XRN1: variants seen among roughly 807,000 people sequenced by gnomAD.
XRN1 encodes strand-exchange protein 1 homolog.
Under a neutral mutation model 222.3 loss-of-function variants are expected in XRN1, and 67 were observed. The ratio of observed to expected loss-of-function variants is 0.30; its 90% CI spans 0.25 to 0.37. XRN1 has a LOEUF of 0.37. Ranked by LOEUF, XRN1 falls within the 10% of genes least tolerant of loss-of-function variation. The pLI is 1.00. For missense variants in XRN1, 1,707 were observed against 2,000.2 expected, an observed-to-expected ratio of 0.85 and a Z score of 2.80; for synonymous variants, 643 against 652.4, an observed-to-expected ratio of 0.99 and a Z score of 0.22.
In XRN1 at chr3:142,431,700, A is replaced by C. The variant is rs951662632; in HGVS notation, c.308+961T>G. On this transcript the variant is annotated intron_variant, in intron 2 of 40. Transcript: ENST00000392981. ...GGTGTGGTGGCGGGCACCTGTAATC[A>C]CAGCTACTTGGGAGGCTGAGGCAGG... 2.7e-5 allele frequency among the ~76,000 whole-genome samples: 4 copies of C among 148,040 alleles called. No individual in the cohort carries two copies. In the East Asian group the frequency reaches 8.0e-4, roughly 29 times the overall value.
chr3:142,397,439 T>C lies in XRN1; in HGVS notation c.2229A>G (p.Pro743=), dbSNP rs200426515. 5.6e-6 allele frequency: 9 copies of C among 1,604,290 alleles called. No individual in the cohort carries two copies. In the East Asian group the frequency reaches 1.8e-4, roughly 32 times the overall value. The change falls in exon 20 of 41, where the codon CCA becomes CCG. Residue 743 remains proline (P), a synonymous_variant. Transcript: ENST00000392981. ...GETKFYLEEP[P]GTQKLYSGRT... is the part of the protein sequence containing the mutation. ...TTCCTGAATAAAGCTTCTGTGTTCC[T>C]GGAGGTTCTTCCAAGTAAAACCTTA...
intron 28 of XRN1, 29 bp from the exon 29 acceptor site, chr3:142,365,208 TAAAC>T: frequency 6.3e-7 from 1 of 1,584,126 alleles, no homozygotes; most frequent in Non-Finnish European, 8.5e-7. Flanking sequence ...TTAATTATAA[TAAAC>T]AAAAAAATTT....
rs146774223 is a variant in XRN1, at chr3:142,406,544, T to G, written c.1714-1468A>C. ...GGCATAAACATTTTTGTTTTTGTTT[T>G]GAGACAGGGATTTGCTCTGACACCC... is the stretch of plus-strand genomic sequence containing the variant. On this transcript the variant is annotated intron_variant, in intron 15 of 40. Coordinates refer to ENST00000392981, the MANE Select transcript of XRN1 (RefSeq NM_001282857.2). Among the ~76,000 whole-genome samples, 473 of 152,302 alleles carry G rather than the reference T, an allele frequency of 3.1e-3. 2 individuals carry two copies. Among genetic ancestry groups the G allele is most frequent in the African/African-American group, 9.3e-3 (386 of 41,564 alleles).
At position 142,312,651 on chromosome 3, in the gene XRN1, G is replaced by A; in HGVS notation, c.4729C>T (p.Pro1577Ser). The A allele has an allele frequency of 6.2e-7, 1 of 1,613,474 alleles. No homozygotes were observed. Among genetic ancestry groups the A allele is most frequent in the Non-Finnish European group, 8.5e-7 (1 of 1,179,520 alleles). Residue 1577 changes from proline to serine, a missense_variant, in exon 40 of 41, where the codon CCC (proline) becomes TCC (serine). Pro to Ser is a moderately conservative substitution (Grantham distance 74, BLOSUM62 -1). This residue lies in a region of XRN1 where 473 missense variants were observed against 482.0 expected (regional missense o/e 0.98). Coordinates refer to ENST00000392981, the MANE Select transcript of XRN1 (RefSeq NM_001282857.2). ...FHHTLYSGTM[P>S]MAGGIPGGVH... Reference sequence around the variant, plus strand: ...CCCCCTGGTATTCCCCCAGCCATGGGCATGGTCCCAGAATATAAAGTATGA... The same window carrying A: ...CCCCCTGGTATTCCCCCAGCCATGGACATGGTCCCAGAATATAAAGTATGA...
chr3:142,383,233 T>C (rs953207886), intron 22 of XRN1, 67 bp downstream of exon 22: 5 of 1,206,718 alleles, frequency 4.1e-6, no homozygotes, highest in African/African-American at 1.5e-5. Flanking sequence ...TAAACCTAAA[T>C]GAAGAGAAGT....
intron 7 of XRN1, 29 bp from the exon 8 acceptor site, chr3:142,422,779 T>G (rs1379645374): frequency 6.2e-7 from 1 of 1,605,846 alleles, no homozygotes; most frequent in Admixed American, 1.7e-5. Context: ...CAAAGTCAAA[T>G]CCAGTGAAAA....
At chr3:142,430,482 G>A (rs1472074137) in intron 2 of XRN1, among the ~76,000 whole-genome samples, 1 of 152,130 alleles carries the variant, frequency 6.6e-6, no homozygotes, top group African/African-American at 2.4e-5. Context: ...GTAAGTCTTG[G>A]GTGGTATTTG....
chr3:142,373,451 A>C (rs1009825901), intron 25 of XRN1, among the ~76,000 whole-genome samples: 5 of 152,096 alleles, frequency 3.3e-5, no homozygotes, highest in Admixed American at 1.3e-4. Context: ...TAATACAAGA[A>C]AGTTTCTCAG....
chr3:142,329,638 CTATCTT>C, intron 36 of XRN1, 23 bp from the exon 37 acceptor site: 1 of 1,521,396 alleles, frequency 6.6e-7, no homozygotes, highest in Non-Finnish European at 8.7e-7. Context: ...AGAAAAGAGT[CTATCTT>C]TATTAATAAA....
intron 20 of XRN1, among the ~76,000 whole-genome samples, chr3:142,385,316 C>T (rs2067455994): frequency 6.6e-6 from 1 of 152,164 alleles, no homozygotes; most frequent in Non-Finnish European, 1.5e-5. Context: ...CTGACACATG[C>T]TACAATGTGT....
At chr3:142,350,597 A>T (rs781725565) in intron 32 of XRN1, among the ~76,000 whole-genome samples, 3 of 152,178 alleles carry the variant, frequency 2.0e-5, no homozygotes, top group Non-Finnish European at 4.4e-5. Flanking sequence ...TAGACTGTAG[A>T]GGAGCCAGGA....
chr3:142,408,191 G>C (rs368522103), intron 15 of XRN1, among the ~76,000 whole-genome samples: 1 of 152,160 alleles, frequency 6.6e-6, no homozygotes, highest in East Asian at 1.9e-4. Context: ...AGTCCTTTTT[G>C]ACACTGTCAA....
intron 2 of XRN1, chr3:142,429,784 C>T (rs1277449911): frequency 6.6e-6 from 1 of 152,134 alleles, no homozygotes; most frequent in African/African-American, 2.4e-5. Flanking sequence ...TAGATGCCTC[C>T]ATATAAGGTT....
At position 142,306,903 on chromosome 3, in the gene XRN1, T is replaced by C. The variant is rs2064977759; in HGVS notation, c.*4608A>G. ...GAATTTTTAATAAAATACTTCTCTG[T>C]ATAAGATCTAATGAAAAATTCCAGT... On this transcript the variant is annotated 3_prime_UTR_variant, in exon 41 of 41. Transcript: ENST00000392981. 1 of 152,666 alleles carries C rather than the reference T, an allele frequency of 6.6e-6. No individual in the cohort carries two copies. The highest frequency in any genetic ancestry group is 2.4e-5 in the African/African-American group (1 of 41,470). 9.5% of individuals were successfully genotyped at this position (152,666 alleles called of 1,614,324 possible). A position where few individuals can be genotyped will look rare whatever the true frequency, so the allele number is the denominator to read the frequency against.
At chr3:142,326,427 G>A (rs2065518508) in intron 37 of XRN1, among the ~76,000 whole-genome samples, 1 of 151,834 alleles carries the variant, frequency 6.6e-6, no homozygotes, top group Non-Finnish European at 1.5e-5. Context: ...TATTCTGCAG[G>A]GGATTAATTT....
intron 32 of XRN1, among the ~76,000 whole-genome samples, chr3:142,347,837 A>C (rs1289213397): frequency 6.6e-6 from 1 of 151,832 alleles, no homozygotes; most frequent in African/African-American, 2.4e-5. Flanking sequence ...GCCTTAAGCA[A>C]TTCTCCCACC....
intron 37 of XRN1, 149 bp from the exon 38 acceptor site, chr3:142,319,052 C>T (rs368561588): frequency 1.2e-4 from 81 of 649,108 alleles, no homozygotes; most frequent in Middle Eastern, 8.7e-4. Context: ...CAAAAATTTT[C>T]GAGTTGTTGC....
intron 18 of XRN1, among the ~76,000 whole-genome samples, chr3:142,401,484 G>A (rs142530693): frequency 0.011 from 1,636 of 152,278 alleles, 23 homozygotes; most frequent in African/African-American, 0.036. Context: ...GGAGGCCGAG[G>A]CAGGTGGATC....
intron 23 of XRN1, among the ~76,000 whole-genome samples, chr3:142,376,965 G>A (rs2067162719): frequency 6.6e-6 from 1 of 152,034 alleles, no homozygotes; most frequent in African/African-American, 2.4e-5. Context: ...TCCAAGCAGG[G>A]CCTAGCAAAG....
Sources: allele counts gnomAD v4.1 joint callset (sites outside exome capture counted in the v4.1 genomes callset), GRCh38; gene constraint gnomAD v4.1.1; regional missense constraint gnomAD v4.1.1; transcripts MANE v1.5; gene names NCBI Gene and HGNC (gene_info 2026-07-23, HGNC 2026-07-21).